C2orf81: variants seen among roughly 807,000 people sequenced by gnomAD.
The protein encoded by C2orf81 is uncharacterized protein C2orf81.
C2orf81 carries 5 observed loss-of-function variants against 7.9 expected under a neutral mutation model. The observed-to-expected ratio is 0.63, with a 90% CI of 0.33 to 1.33. C2orf81 has a LOEUF of 1.33. Ranked by LOEUF, C2orf81 falls within the 40% of genes most tolerant of loss-of-function variation. C2orf81 has a pLI of 0.05. For synonymous variants in C2orf81, 346 were observed against 367.4 expected (o/e 0.94, Z 0.66); for missense variants, 781 against 830.4 (o/e 0.94, Z 0.73).
In C2orf81 at chr2:74,414,973, A is replaced by T. The variant is rs1341691829; in HGVS notation, c.1204T>A (p.Leu402Met). ...CGCTGGCGTCCGCGGTAGGCTTCCAAGGGGCGTGTTTGAGAGTCTGGGACC... is the reference window on the plus strand; with the variant it reads ...CGCTGGCGTCCGCGGTAGGCTTCCATGGGGCGTGTTTGAGAGTCTGGGACC... ...VLVPDSQTRP[L>M]EAYRGRQRGE... The change falls in exon 3 of 3, where the codon TTG becomes ATG. Residue 402 changes from leucine (L) to methionine (M), a missense_variant. Physicochemically the swap from Leu to Met is conservative, Grantham distance 15. Transcript: ENST00000684111. This position sits in a 1 kb window ranked among gnomAD's most constrained non-coding sequence, Gnocchi z 5.3. 2 of 1,548,716 alleles carry T rather than the reference A, an allele frequency of 1.3e-6. No individual in the cohort carries two copies. Among genetic ancestry groups the T allele is most frequent in the South Asian group, 2.4e-5 (2 of 83,962 alleles).
chr2:74,416,906 C>G (rs1290636514), intron 1 of C2orf81, among the ~76,000 whole-genome samples: 1 of 152,154 alleles, frequency 6.6e-6, no homozygotes, highest in Non-Finnish European at 1.5e-5. Context: ...ATCATGGCTA[C>G]CCCTCCCTGA....
chr2:74,414,920 T>C lies in C2orf81; in HGVS notation c.1257A>G (p.Glu419=). Residue 419 remains glutamate, a synonymous_variant, in exon 3 of 3, where the codon GAA becomes GAG. Transcript: ENST00000684111. The surrounding 1 kb of genome is among the most constrained non-coding windows in gnomAD (Gnocchi z 5.3). Reference sequence around the variant, plus strand: ...GGGTGCCGGGGCCGAGGGCTTGGGGTTCGGCCCGGGCCTTGGTCTTCTCGC... The same window carrying C: ...GGGTGCCGGGGCCGAGGGCTTGGGGCTCGGCCCGGGCCTTGGTCTTCTCGC... ...QRGEKTKARA[E]PQALGPGTRV... 1.3e-6 allele frequency: 2 copies of C among 1,544,274 alleles called. No homozygotes were observed. The highest frequency in any genetic ancestry group is 2.0e-5 in the Admixed American group (1 of 50,614).
In C2orf81 at chr2:74,420,772, C is replaced by CTTTTTTTT. The variant is rs745827470; in HGVS notation, c.18+763_18+770dup. On this transcript the variant is annotated intron_variant, in intron 1 of 2. Coordinates refer to ENST00000684111, the MANE Select transcript of C2orf81 (RefSeq NM_001316764.3). The stretch of plus-strand genomic sequence containing the variant: ...CAAATCCGTTTTCTTTCTTCTTCTT[C>CTTTTTTTT]TTTTTTTTTTTTTTTTTTTTTTTTT... 6.2e-4 allele frequency among the ~76,000 whole-genome samples: 45 copies of CTTTTTTTT among 72,698 alleles called. 5 individuals are homozygous for CTTTTTTTT. The highest frequency in any genetic ancestry group is 1.4e-3 in the African/African-American group (24 of 17,508). The allele number at this position is 72,698 out of a possible 152,430, so 47.7% of individuals were successfully genotyped here. A position where few individuals can be genotyped will look rare whatever the true frequency, so the allele number is the denominator to read the frequency against.
chr2:74,414,637 G>C lies in C2orf81; in HGVS notation c.1540C>G (p.Leu514Val). ...PSGWEGKAEL[L>V]GELWAGRTRV... is the part of the protein sequence containing the mutation. Reference sequence around the variant, plus strand: ...GTCCGGCCAGCCCACAGCTCGCCCAGCAGCTCGGCCTTCCCCTCCCAACCG... The same window carrying C: ...GTCCGGCCAGCCCACAGCTCGCCCACCAGCTCGGCCTTCCCCTCCCAACCG... The change falls in exon 3 of 3, where the codon CTG (leucine) becomes GTG (valine). Residue 514 changes from leucine (L) to valine (V), a missense_variant. Coordinates refer to ENST00000684111, the MANE Select transcript of C2orf81 (RefSeq NM_001316764.3). This position sits in a 1 kb window ranked among gnomAD's most constrained non-coding sequence, Gnocchi z 5.3. The C allele has an allele frequency of 6.5e-7, 1 of 1,550,070 alleles. No individual in the cohort carries two copies. The highest frequency in any genetic ancestry group is 8.7e-7 in the Non-Finnish European group (1 of 1,145,954).
chr2:74,416,581 AAAAAAAAAGAAAAAG>A (rs1676475735), intron 1 of C2orf81: 1 of 158,528 alleles, frequency 6.3e-6, no homozygotes, highest in African/African-American at 2.4e-5. Context: ...AAAAAAAAAA[AAAAAAAAAGAAAAAG>A]AAAAAGAAAG....
Position 74,415,082 on chromosome 2 carries a change from G to A in C2orf81, c.1095C>T (p.His365=). The A allele has an allele frequency of 6.5e-7, 1 of 1,547,862 alleles. No individual in the cohort carries two copies. Among genetic ancestry groups the A allele is most frequent in the Non-Finnish European group, 8.7e-7 (1 of 1,145,552 alleles). The change falls in exon 3 of 3, where the codon CAC becomes CAT. Residue 365 remains histidine (H), a synonymous_variant. Transcript: ENST00000684111. This position sits in a 1 kb window ranked among gnomAD's most constrained non-coding sequence, Gnocchi z 5.5. The stretch of plus-strand genomic sequence containing the variant: ...TCACGGCCGCCTTGCGGCGCATCCT[G>A]TGGTGGTGGGCGCTCAGCCGCACAT... ...HSDVRLSAHH[H]RMRRKAAVKR... is the part of the protein sequence containing the mutation.
At chr2:74,417,479 G>C (rs942998163) in intron 1 of C2orf81, 1 of 1,278,216 alleles carries the variant, frequency 7.8e-7, no homozygotes, top group African/African-American at 1.5e-5. Context: ...GGGAGTAGGG[G>C]ACTCACACCC....
In C2orf81 at chr2:74,414,927, C is replaced by CG. The variant is rs1676401440; in HGVS notation, c.1249dup (p.Arg417ProfsTer29). On this transcript the variant is annotated frameshift_variant, in exon 3 of 3. Transcript: ENST00000684111. LOFTEE classifies it low-confidence loss of function (END_TRUNC). This position sits in a 1 kb window ranked among gnomAD's most constrained non-coding sequence, Gnocchi z 5.3. ...GGGGCCGAGGGCTTGGGGTTCGGCCCGGGCCTTGGTCTTCTCGCCCCGCTG... is the reference window on the plus strand; with the variant it reads ...GGGGCCGAGGGCTTGGGGTTCGGCCCGGGGCCTTGGTCTTCTCGCCCCGCTG... 6.5e-7 allele frequency: 1 copy of CG among 1,544,726 alleles called. No individual in the cohort carries two copies. Among genetic ancestry groups the CG allele is most frequent in the African/African-American group, 1.4e-5 (1 of 72,944 alleles).
In C2orf81 at chr2:74,415,326, G is replaced by A; in HGVS notation, c.851C>T (p.Pro284Leu). 6.5e-7 allele frequency: 1 copy of A among 1,543,490 alleles called. No homozygotes were observed. Among genetic ancestry groups the A allele is most frequent in the Non-Finnish European group, 8.8e-7 (1 of 1,142,188 alleles). The change falls in exon 3 of 3, where the codon CCC becomes CTC. Residue 284 changes from proline to leucine, a missense_variant. Physicochemically the swap from Pro to Leu is moderately conservative, Grantham distance 98. Transcript: ENST00000684111. The surrounding 1 kb of genome is among the most constrained non-coding windows in gnomAD (Gnocchi z 5.5). ...GTGTCCCCTCCCAGTTGAGGCCTGG[G>A]GGCTGGCTACCAGGTACGGATCCAG... is the stretch of plus-strand genomic sequence containing the variant. The part of the protein sequence containing the change: ...PSLDPYLVAS[P>L]QASTGRGHPL...
At position 74,414,568 on chromosome 2, in the gene C2orf81, G is replaced by T. The variant is rs1351115982; in HGVS notation, c.1609C>A (p.Gln537Lys). 4 of 1,542,194 alleles carry T rather than the reference G, an allele frequency of 2.6e-6. No individual in the cohort carries two copies. The highest frequency in any genetic ancestry group is 2.0e-5 in the Admixed American group (1 of 50,620). ...QGLELADREG[Q>K]DPGRWPRTTP... is the part of the protein sequence containing the mutation. ...GTTCGAGGCCATCTGCCAGGATCCT[G>T]GCCCTCCCTGTCTGCCAGCTCCAGA... The change falls in exon 3 of 3, where the codon CAG becomes AAG. Residue 537 changes from glutamine (Q) to lysine (K), a missense_variant. Physicochemically the swap from Gln to Lys is moderately conservative, Grantham distance 53. Coordinates refer to ENST00000684111, the MANE Select transcript of C2orf81 (RefSeq NM_001316764.3). This position sits in a 1 kb window ranked among gnomAD's most constrained non-coding sequence, Gnocchi z 5.3.
chr2:74,417,402 T>G, intron 1 of C2orf81: 1 of 1,309,296 alleles, frequency 7.6e-7, no homozygotes, highest in Non-Finnish European at 1.0e-6. Flanking sequence ...GGTGACTGCA[T>G]CTCCATCACT....
chr2:74,418,351 T>C (rs765733420), intron 1 of C2orf81: 7 of 1,599,990 alleles, frequency 4.4e-6, no homozygotes, highest in Admixed American at 3.3e-5. Flanking sequence ...CGGAGGCTGC[T>C]TGCGCGGCCT....
At position 74,414,374 on chromosome 2, in the gene C2orf81, G is replaced by A. The variant is rs769489963; in HGVS notation, c.1803C>T (p.Pro601=). Residue 601 remains proline (P), a synonymous_variant, in exon 3 of 3, where the codon CCC becomes CCT. Transcript: ENST00000684111. This position sits in a 1 kb window ranked among gnomAD's most constrained non-coding sequence, Gnocchi z 5.3. ...CTGTCTGGATGGGATGTTGCTCAAC[G>A]GGAGGAAAGGTGCTACCTTCTTTGT... ...QEDKEGSTFP[P]VEQHPIQTGA... 1 of 1,519,196 alleles carries A rather than the reference G, an allele frequency of 6.6e-7. No individual in the cohort carries two copies. The highest frequency in any genetic ancestry group is 8.9e-7 in the Non-Finnish European group (1 of 1,127,666). 94.1% of individuals were successfully genotyped at this position (1,519,196 alleles called of 1,614,324 possible). A position where few individuals can be genotyped will look rare whatever the true frequency, so the allele number is the denominator to read the frequency against.
chr2:74,421,502 G>T, intron 1 of C2orf81, 41 bp downstream of exon 1: 1 of 371,732 alleles, frequency 2.7e-6, no homozygotes, highest in East Asian at 4.0e-5. Flanking sequence ...CTTAACGGCC[G>T]ACCCTGGCTC....
chr2:74,418,409 A>G (rs956759113), intron 1 of C2orf81: 71 of 1,582,518 alleles, frequency 4.5e-5, no homozygotes, highest in Non-Finnish European at 5.6e-5. Flanking sequence ...TTGGAGGCCA[A>G]GGGCTGGCTG....
intron 1 of C2orf81, among the ~76,000 whole-genome samples, chr2:74,420,412 A>G (rs1676570538): frequency 6.6e-6 from 1 of 152,144 alleles, no homozygotes; most frequent in Non-Finnish European, 1.5e-5. Flanking sequence ...TCCAAAATGT[A>G]CTTCCAAATG....
Position 74,414,938 on chromosome 2 carries a change from C to T in C2orf81, c.1239G>A (p.Lys413=), listed in dbSNP as rs1442025745. 1.6e-5 allele frequency: 25 copies of T among 1,545,846 alleles called. No individual in the cohort carries two copies. The East Asian group carries it at 6.1e-4, about 38-fold the overall frequency. ...CTTGGGGTTCGGCCCGGGCCTTGGT[C>T]TTCTCGCCCCGCTGGCGTCCGCGGT... ...EAYRGRQRGE[K]TKARAEPQAL... is the part of the protein sequence containing the mutation. The change falls in exon 3 of 3, where the codon AAG becomes AAA. Residue 413 remains lysine, a synonymous_variant. Coordinates refer to ENST00000684111, the MANE Select transcript of C2orf81 (RefSeq NM_001316764.3). The surrounding 1 kb of genome is among the most constrained non-coding windows in gnomAD (Gnocchi z 5.3).
Position 74,416,103 on chromosome 2 carries a change from G to T in C2orf81, c.157C>A (p.Leu53Ile). 1 of 1,541,378 alleles carries T rather than the reference G, an allele frequency of 6.5e-7. No individual in the cohort carries two copies. Among genetic ancestry groups the T allele is most frequent in the Non-Finnish European group, 8.8e-7 (1 of 1,141,184 alleles). The part of the protein sequence containing the change: ...SEAEWMALTA[L>I]EEGEDVVGDI... The stretch of plus-strand genomic sequence containing the variant: ...CCTACGACGTCCTCGCCCTCCTCGA[G>T]GGCTGTAAGCGCCATCCACTCGGCC... The change falls in exon 2 of 3, where the codon CTC (leucine) becomes ATC (isoleucine). Residue 53 changes from leucine (L) to isoleucine (I), a missense_variant. Transcript: ENST00000684111.
At chr2:74,417,609 C>A in intron 1 of C2orf81, 1 of 1,038,448 alleles carries the variant, frequency 9.6e-7, no homozygotes. Context: ...TGGGGGAATC[C>A]TGGGGGCCAG....
Sources: allele counts gnomAD v4.1 joint callset (sites outside exome capture counted in the v4.1 genomes callset), GRCh38; gene constraint gnomAD v4.1.1; non-coding constraint Gnocchi (gnomAD v3.1); transcripts MANE v1.5; gene names NCBI Gene and HGNC (gene_info 2026-07-23, HGNC 2026-07-21).